The following MMS19 variants were observed in gnomAD, a reference collection of about 807,000 sequenced individuals.
The protein encoded by MMS19 is MMS19 cytosolic iron-sulfur assembly component.
MMS19 carries 77 observed loss-of-function variants against 129.8 expected under a neutral mutation model. The observed-to-expected ratio is 0.59, with a 90% CI of 0.49 to 0.72. The LOEUF is 0.72. MMS19 is among the 30% of genes least tolerant of loss of function. The pLI is 0.00. For synonymous variants in MMS19, 491 were observed against 502.8 expected, an observed-to-expected ratio of 0.98 and a Z score of 0.31; for missense variants, 1,168 against 1,266.3, an observed-to-expected ratio of 0.92 and a Z score of 1.18.
chr10:97,461,776 G>GAGTCA (rs2032019744), intron 22 of MMS19, 52 bp downstream of exon 22: 2 of 1,572,348 alleles, frequency 1.3e-6, no homozygotes, highest in Admixed American at 3.7e-5. Context: ...TTTCAGCCCG[G>GAGTCA]AGTCACCTTG....
At chr10:97,470,108 G>C (rs2034376470) in intron 10 of MMS19, 21 bp downstream of exon 10, 8 of 1,566,092 alleles carry the variant, frequency 5.1e-6, no homozygotes, top group Non-Finnish European at 7.0e-6. Context: ...GCTGGGTCCT[G>C]CAAGGAGAAA....
chr10:97,471,665 C>T (rs1332165679), intron 8 of MMS19, among the ~76,000 whole-genome samples: 1 of 152,120 alleles, frequency 6.6e-6, no homozygotes, highest in Non-Finnish European at 1.5e-5. Context: ...CGCACCAACA[C>T]ACCTGGCTAA....
Position 97,486,891 on chromosome 10 carries a change from A to ATATATATATG in MMS19, c.113-2741_113-2740insCATATATATA, listed in dbSNP as rs1554852518. The stretch of plus-strand genomic sequence containing the variant: ...TATATATATATATATATATATATAT[A>ATATATATATG]TATAAAATTAAGACAGGCAAGTTGT... On this transcript the variant is annotated intron_variant, in intron 1 of 30. Coordinates refer to ENST00000438925, the MANE Select transcript of MMS19 (RefSeq NM_022362.5). Among the ~76,000 whole-genome samples, 8 of 132,340 alleles carry ATATATATATG rather than the reference A, an allele frequency of 6.0e-5. 1 individual carries two copies. The highest frequency in any genetic ancestry group is 1.6e-4 in the Admixed American group (2 of 12,602). 86.8% of individuals were successfully genotyped at this position (132,340 alleles called of 152,430 possible).
In MMS19 at chr10:97,462,046, T is replaced by C. The variant is rs776645737; in HGVS notation, c.2086A>G (p.Ser696Gly). 11 of 1,594,002 alleles carry C rather than the reference T, an allele frequency of 6.9e-6. No individual in the cohort carries two copies. The highest frequency in any genetic ancestry group is 5.1e-6 in the Non-Finnish European group (6 of 1,170,160). Residue 696 changes from serine to glycine, a missense_variant, in exon 21 of 31, where the codon AGC becomes GGC. By Grantham distance (56) the Ser-to-Gly change is moderately conservative. This residue lies in a region of MMS19 where 831 missense variants were observed against 910.8 expected (regional missense o/e 0.91). Transcript: ENST00000438925. ...DGNVSFLPEN[S>G]FPSRFQPFQD... ...AATGGCTGGAATCTGCTCGGGAAGCTGTTTTCAGGCAGAAAGGACACGTTG... is the reference window on the plus strand; with the variant it reads ...AATGGCTGGAATCTGCTCGGGAAGCCGTTTTCAGGCAGAAAGGACACGTTG...
chr10:97,478,118 C>T (rs2036104517), intron 4 of MMS19, among the ~76,000 whole-genome samples, 186 bp downstream of exon 4: 1 of 152,184 alleles, frequency 6.6e-6, no homozygotes, highest in Non-Finnish European at 1.5e-5. Context: ...GCTCTGGTTT[C>T]CAGTCCCCCA....
chr10:97,494,418 G>A (rs184505258), intron 1 of MMS19, among the ~76,000 whole-genome samples: 33 of 152,304 alleles, frequency 2.2e-4, no homozygotes, highest in Non-Finnish European at 3.2e-4. Flanking sequence ...GAGGGGAAGC[G>A]GGTAGGGTGG....
At position 97,487,732 on chromosome 10, in the gene MMS19, A is replaced by G. The variant is rs372033579; in HGVS notation, c.113-3581T>C. On this transcript the variant is annotated intron_variant, in intron 1 of 30. Transcript: ENST00000438925. ...ATAATGATCATAGGACAAACTGGGA[A>G]AAAAAATTACAAGTCTTATAACAAA... Among the ~76,000 whole-genome samples the G allele has an allele frequency of 2.8e-4, 42 of 152,350 alleles. No homozygotes were observed. The East Asian group carries it at 5.4e-3, about 20-fold the overall frequency.
chr10:97,474,702 A>G (rs971327941), intron 8 of MMS19, among the ~76,000 whole-genome samples: 3 of 152,242 alleles, frequency 2.0e-5, no homozygotes, highest in African/African-American at 7.2e-5. Context: ...GATAGACTGC[A>G]GTGCAGAACA....
At chr10:97,490,325 C>T (rs1589796323) in intron 1 of MMS19, among the ~76,000 whole-genome samples, 1 of 152,226 alleles carries the variant, frequency 6.6e-6, no homozygotes, top group East Asian at 1.9e-4. Context: ...AGTGATCCAC[C>T]CACCTTGACC....
At position 97,469,984 on chromosome 10, in the gene MMS19, C is replaced by A. The variant is rs1012310634; in HGVS notation, c.846+145G>T. On this transcript the variant is annotated intron_variant, in intron 10 of 30. Transcript: ENST00000438925. The stretch of plus-strand genomic sequence containing the variant: ...GGACACGACGATATGCAGCTGGGGG[C>A]TTCAGGTCGACACAAAGGCCCAAAT... 14 of 670,672 alleles carry A rather than the reference C, an allele frequency of 2.1e-5. No individual in the cohort carries two copies. In the African/African-American group the frequency reaches 2.2e-4, roughly 10 times the overall value. 41.5% of individuals were successfully genotyped at this position (670,672 alleles called of 1,614,324 possible). A position where few individuals can be genotyped will look rare whatever the true frequency, so the allele number is the denominator to read the frequency against.
chr10:97,476,899 A>T lies in MMS19; in HGVS notation c.558T>A (p.Asp186Glu). The change falls in exon 7 of 31, where the codon GAT (aspartate) becomes GAA (glutamate). Residue 186 changes from aspartate to glutamate, a missense_variant. Transcript: ENST00000438925. ...GGAAGGCCACCAGAAGATTACGGGG[A>T]TCCTTTTCCCCATCCATCACCTGGA... ...GFIQVMDGEK[D>E]PRNLLVAFRI... 6.2e-7 allele frequency: 1 copy of T among 1,613,986 alleles called. No homozygotes were observed. Among genetic ancestry groups the T allele is most frequent in the East Asian group, 2.2e-5 (1 of 44,878 alleles).
At position 97,458,413 on chromosome 10, in the gene MMS19, GCA is replaced by G; in HGVS notation, c.*277_*278del. The G allele has an allele frequency of 4.4e-6, 2 of 452,540 alleles. No homozygotes were observed. Among genetic ancestry groups the G allele is most frequent in the Non-Finnish European group, 7.9e-6 (2 of 253,852 alleles). 28.0% of individuals were successfully genotyped at this position (452,540 alleles called of 1,614,324 possible). On this transcript the variant is annotated 3_prime_UTR_variant, in exon 31 of 31. Transcript: ENST00000438925. ...CACACTCATATGCACTCACCCCTCAGCAGCATATCGCCCCTTTTCTGACATAT... is the reference window on the plus strand; with the variant it reads ...CACACTCATATGCACTCACCCCTCAGGCATATCGCCCCTTTTCTGACATAT...
chr10:97,467,044 T>A, intron 14 of MMS19, 143 bp from the exon 15 acceptor site: 1 of 864,378 alleles, frequency 1.2e-6, no homozygotes, highest in Non-Finnish European at 1.8e-6. Context: ...AGTGGCGTAA[T>A]CTCGGATCAC....
chr10:97,486,426 C>T (rs1055344936), intron 1 of MMS19, among the ~76,000 whole-genome samples: 2 of 152,298 alleles, frequency 1.3e-5, no homozygotes, highest in African/African-American at 4.8e-5. Context: ...GGTGATCCGC[C>T]CACTTCAACC....
Position 97,458,594 on chromosome 10 carries a change from A to T in MMS19, c.*98T>A. ...TTTGTGCTGTGTCTGTGGGAAAGGCAGTCAGAGACCAGTGGTTTCCCTGCT... is the reference window on the plus strand; with the variant it reads ...TTTGTGCTGTGTCTGTGGGAAAGGCTGTCAGAGACCAGTGGTTTCCCTGCT... On this transcript the variant is annotated 3_prime_UTR_variant, in exon 31 of 31. Transcript: ENST00000438925. The T allele has an allele frequency of 8.1e-7, 1 of 1,238,698 alleles. No individual in the cohort carries two copies. The highest frequency in any genetic ancestry group is 1.1e-6 in the Non-Finnish European group (1 of 888,732). The allele number at this position is 1,238,698 out of a possible 1,614,324, so 76.7% of individuals were successfully genotyped here.
chr10:97,477,426 G>A lies in MMS19; in HGVS notation c.424-10C>T. ...CCACCTGTGGCAGGGACTTGGGGGT[G>A]GGGGAGAAAGAAGTGAAGAAAATGC... On this transcript the variant is annotated splice_polypyrimidine_tract_variant and intron_variant, in intron 5 of 30. Transcript: ENST00000438925. 2 of 1,613,896 alleles carry A rather than the reference G, an allele frequency of 1.2e-6. No homozygotes were observed. The highest frequency in any genetic ancestry group is 1.1e-5 in the South Asian group (1 of 91,068).
intron 1 of MMS19, among the ~76,000 whole-genome samples, chr10:97,498,009 C>T (rs1258450345): frequency 6.6e-6 from 1 of 152,252 alleles, no homozygotes; most frequent in African/African-American, 2.4e-5. Context: ...CTCTTGCCCT[C>T]GCTGAGCCTC....
chr10:97,461,819 C>G lies in MMS19; in HGVS notation c.2184+9G>C. ...TAAATAACAGTACTTCCCAAATGTG[C>G]TCACTTACATTTCGAGGCAGGGAGC... On this transcript the variant is annotated intron_variant, in intron 22 of 30. Transcript: ENST00000438925. 6.2e-7 allele frequency: 1 copy of G among 1,606,292 alleles called. No homozygotes were observed. Among genetic ancestry groups the G allele is most frequent in the Admixed American group, 1.7e-5 (1 of 58,884 alleles).
At chr10:97,494,807 T>C (rs1213928926) in intron 1 of MMS19, among the ~76,000 whole-genome samples, 1 of 152,240 alleles carries the variant, frequency 6.6e-6, no homozygotes, top group Non-Finnish European at 1.5e-5. Context: ...CTCTATCTCC[T>C]TCAAGCCCTA....
Sources: gnomAD v4.1 joint callset for allele counts (sites outside exome capture counted in the v4.1 genomes callset) on GRCh38, gnomAD v4.1.1 for gene constraint, gnomAD v4.1.1 regional missense constraint, MANE v1.5 for transcripts, NCBI Gene and HGNC (gene_info 2026-07-23, HGNC 2026-07-21) for gene names.